The following GALNT17 variants were observed in gnomAD, a reference collection of about 807,000 sequenced individuals.
The protein encoded by GALNT17 is polypeptide N-acetylgalactosaminyltransferase 17, also known as UDP-GalNAc:polypeptide N-acetylgalactosaminyltransferase-like 3.
In GALNT17, 29 loss-of-function variants were observed where a neutral mutation model predicts 63.7. The observed-to-expected ratio is 0.46, with a 90% CI of 0.34 to 0.62. GALNT17 has a LOEUF of 0.62. Among genes scored for constraint, GALNT17 ranks in the 20% least tolerant of loss-of-function variants. GALNT17 has a pLI of 0.01. For synonymous variants in GALNT17, 305 were observed against 318.3 expected (o/e 0.96, Z 0.45); for missense variants, 603 against 799.6 (o/e 0.75, Z 2.97).
intron 5 of GALNT17, among the ~76,000 whole-genome samples, chr7:71,564,278 C>CTTTTTTTTTTTT (rs10539122): frequency 6.0e-4 from 59 of 98,008 alleles, no homozygotes; most frequent in Non-Finnish European, 7.9e-4. Context: ...CTTTTCTTTT[C>CTTTTTTTTTTTT]TTTTTTTTTT....
At chr7:71,178,618 C>T (rs1468900688) in intron 1 of GALNT17, among the ~76,000 whole-genome samples, 2 of 151,990 alleles carry the variant, frequency 1.3e-5, no homozygotes, top group African/African-American at 4.8e-5. Flanking sequence ...TGGATGGTTT[C>T]TGTTGATCTG....
chr7:71,273,135 A>G (rs918673200), intron 1 of GALNT17, among the ~76,000 whole-genome samples: 6 of 152,154 alleles, frequency 3.9e-5, no homozygotes, highest in Non-Finnish European at 8.8e-5. Context: ...TGATAATGAC[A>G]TAAGAACTGC....
chr7:71,182,145 A>C (rs1788747048), intron 1 of GALNT17, among the ~76,000 whole-genome samples: 1 of 152,214 alleles, frequency 6.6e-6, no homozygotes, highest in Non-Finnish European at 1.5e-5. Context: ...ATTGCACTCC[A>C]GCCTGGGCAT....
At chr7:71,654,575 C>T (rs955892906) in intron 6 of GALNT17, among the ~76,000 whole-genome samples, 10 of 152,170 alleles carry the variant, frequency 6.6e-5, no homozygotes, top group Non-Finnish European at 1.2e-4. Flanking sequence ...TATCAGTGCT[C>T]TCAAATTATC....
Position 71,447,567 on chromosome 7 carries a change from A to C in GALNT17, c.962+26462A>C, listed in dbSNP as rs535206323. Among the ~76,000 whole-genome samples the C allele has an allele frequency of 2.0e-5, 3 of 152,300 alleles. No individual in the cohort carries two copies. In the East Asian group the frequency reaches 5.8e-4, roughly 29 times the overall value. On this transcript the variant is annotated intron_variant, in intron 5 of 10. Transcript: ENST00000333538. ...TTTGGTTAAGGGATACTTGACCTAC[A>C]CCAGTTCATAATAAAAGATGCAACC... is the stretch of plus-strand genomic sequence containing the variant.
At chr7:71,195,321 T>A (rs1384938925) in intron 1 of GALNT17, among the ~76,000 whole-genome samples, 2 of 152,156 alleles carry the variant, frequency 1.3e-5, no homozygotes, top group Non-Finnish European at 2.9e-5. Flanking sequence ...CCTCAGGAGA[T>A]CTTTCCGCCT....
At chr7:71,172,279 A>G (rs186423155) in intron 1 of GALNT17, among the ~76,000 whole-genome samples, 1 of 152,024 alleles carries the variant, frequency 6.6e-6, no homozygotes, top group East Asian at 1.9e-4. Context: ...TAGCTGGGGC[A>G]ACATAGTGAG....
chr7:71,371,170 C>A (rs557886556), intron 2 of GALNT17, among the ~76,000 whole-genome samples: 2 of 152,246 alleles, frequency 1.3e-5, no homozygotes, highest in African/African-American at 4.8e-5. Context: ...CATGTCATGC[C>A]CATGTGAAAA....
chr7:71,651,302 T>G (rs1790751296), intron 6 of GALNT17, among the ~76,000 whole-genome samples: 1 of 146,650 alleles, frequency 6.8e-6, no homozygotes, highest in Non-Finnish European at 1.5e-5. Flanking sequence ...CAGGCTACTT[T>G]TTAGGCTTTT....
At chr7:71,425,286 G>C (rs993398774) in intron 5 of GALNT17, among the ~76,000 whole-genome samples, 5 of 151,858 alleles carry the variant, frequency 3.3e-5, no homozygotes, top group East Asian at 3.9e-4. Flanking sequence ...GCAGGGGAGC[G>C]ATCTCGGCTC....
At position 71,377,114 on chromosome 7, in the gene GALNT17, A is replaced by AAAAAAATAT; in HGVS notation, c.423-11120_423-11119insAAAAATATA. ...AAAAAAAAAAAATAAAAATAAAAAAAATATATATATATATATATATATATA... is the reference window on the plus strand; with the variant it reads ...AAAAAAAAAAAATAAAAATAAAAAAAAAAAAATATATATATATATATATATATATATATA... On this transcript the variant is annotated intron_variant, in intron 2 of 10. Transcript: ENST00000333538. 1.6e-3 allele frequency among the ~76,000 whole-genome samples: 94 copies of AAAAAAATAT among 57,450 alleles called. 8 individuals carry two copies. Among genetic ancestry groups the AAAAAAATAT allele is most frequent in the African/African-American group, 2.3e-3 (24 of 10,666 alleles). 37.7% of individuals were successfully genotyped at this position (57,450 alleles called of 152,430 possible).
intron 1 of GALNT17, among the ~76,000 whole-genome samples, chr7:71,246,546 T>C (rs1285007937): frequency 6.7e-6 from 1 of 148,770 alleles, no homozygotes; most frequent in African/African-American, 2.5e-5. Flanking sequence ...ATTATACTTA[T>C]GAGGCCAGGC....
At chr7:71,579,067 G>C (rs546314874) in intron 6 of GALNT17, among the ~76,000 whole-genome samples, 1 of 152,344 alleles carries the variant, frequency 6.6e-6, no homozygotes, top group South Asian at 2.1e-4. Flanking sequence ...TAGATTGCAT[G>C]AGTCTTTGTT....
chr7:71,150,495 CT>C (rs1374792056), intron 1 of GALNT17, among the ~76,000 whole-genome samples: 2 of 150,902 alleles, frequency 1.3e-5, no homozygotes, highest in Non-Finnish European at 3.0e-5. Context: ...CCTTCTCTCT[CT>C]TTTTTTTCGT....
intron 5 of GALNT17, among the ~76,000 whole-genome samples, chr7:71,442,794 G>A (rs116127496): frequency 5.1e-4 from 77 of 152,230 alleles, no homozygotes; most frequent in African/African-American, 1.8e-3. Context: ...ATAAAGCAGT[G>A]GCCCCTTCAA....
chr7:71,592,330 A>G (rs1243574453), intron 6 of GALNT17, among the ~76,000 whole-genome samples: 1 of 151,786 alleles, frequency 6.6e-6, no homozygotes, highest in Non-Finnish European at 1.5e-5. Context: ...TTGCAGCATG[A>G]CGCTTAGGTG....
At chr7:71,291,981 C>T (rs975132078) in intron 1 of GALNT17, among the ~76,000 whole-genome samples, 3 of 152,050 alleles carry the variant, frequency 2.0e-5, no homozygotes, top group Non-Finnish European at 4.4e-5. Context: ...ATTTATTTTT[C>T]ATGGTTTAAT....
chr7:71,605,660 C>A (rs1288458207), intron 6 of GALNT17, among the ~76,000 whole-genome samples: 1 of 151,398 alleles, frequency 6.6e-6, no homozygotes, highest in African/African-American at 2.4e-5. Flanking sequence ...TCAATAGTTA[C>A]AATAAGGTGT....
At chr7:71,340,482 G>A (rs1383964610) in intron 2 of GALNT17, among the ~76,000 whole-genome samples, 1 of 152,104 alleles carries the variant, frequency 6.6e-6, no homozygotes, top group Non-Finnish European at 1.5e-5. Context: ...AAAATGGCTG[G>A]GTTCTGCTCA....
Sources: allele counts gnomAD v4.1 joint callset (sites outside exome capture counted in the v4.1 genomes callset), GRCh38; gene constraint gnomAD v4.1.1; transcripts MANE v1.5; gene names NCBI Gene and HGNC (gene_info 2026-07-23, HGNC 2026-07-21).